Variants in SIRPG observed in about 807,000 individuals in gnomAD.
SIRPG encodes signal regulatory protein gamma.
A neutral mutation model predicts 35.7 loss-of-function variants in SIRPG; 38 were observed. The observed-to-expected ratio is 1.06, with a 90% CI of 0.82 to 1.40. The LOEUF is 1.40. SIRPG is among the 40% of genes most tolerant of loss of function. The pLI, the probability that SIRPG is intolerant of heterozygous loss-of-function variation, is 0.00. For missense variants in SIRPG, 519 were observed against 483.0 expected, an observed-to-expected ratio of 1.07 and a Z score of -0.70; for synonymous variants, 215 against 190.4, an observed-to-expected ratio of 1.13 and a Z score of -1.06.
chr20:1,663,125 A>G, the SIRPG span, among the ~76,000 whole-genome samples: 3,525 of 152,172 alleles, frequency 0.023, 157 homozygotes, highest in African/African-American at 0.08. Context: ...CATCCTGGCT[A>G]CCACAGTGAA....
At chr20:1,639,678 C>T (rs952672130) in intron 2 of SIRPG, among the ~76,000 whole-genome samples, 10 of 152,248 alleles carry the variant, frequency 6.6e-5, no homozygotes, top group South Asian at 2.1e-4. Context: ...TTGGCATTTT[C>T]GTCATGAAGT....
chr20:1,650,443 G>A (rs1273271834), intron 1 of SIRPG, among the ~76,000 whole-genome samples: 2 of 152,112 alleles, frequency 1.3e-5, no homozygotes, highest in Non-Finnish European at 2.9e-5. Context: ...CTTAGAAGTT[G>A]AAAATACAAC....
chr20:1,668,175 CTTTCTTTCTTTCT>C, the SIRPG span, among the ~76,000 whole-genome samples: 451 of 85,710 alleles, frequency 5.3e-3, 1 homozygote, highest in African/African-American at 0.016. Context: ...CTTTTCTTTT[CTTTCTTTCTTTCT>C]TTTTCTTTTC....
chr20:1,664,771 G>A, the SIRPG span, among the ~76,000 whole-genome samples: 2 of 152,168 alleles, frequency 1.3e-5, no homozygotes, highest in Non-Finnish European at 2.9e-5. Context: ...GTGGTGGTTG[G>A]ACAGGCAGCT....
At chr20:1,659,431 A>G (rs985236382), upstream of SIRPG, among the ~76,000 whole-genome samples, 1 of 152,262 alleles carries the variant, frequency 6.6e-6, no homozygotes, top group East Asian at 1.9e-4. Flanking sequence ...TGAAAAGAAT[A>G]TATGAATCAA....
the SIRPG span, among the ~76,000 whole-genome samples, chr20:1,671,762 AG>A: frequency 6.6e-6 from 1 of 152,352 alleles, no homozygotes; most frequent in African/African-American, 2.4e-5. Context: ...GCCGAAGTAA[AG>A]GGATGGGTCT....
chr20:1,657,828 A>G (rs1179121872), upstream of SIRPG: 6 of 953,222 alleles, frequency 6.3e-6, no homozygotes, highest in East Asian at 7.6e-5. Context: ...GGAAGTGGCT[A>G]TGATGGAATG....
At chr20:1,656,756 G>A (rs1431417923) in intron 1 of SIRPG, among the ~76,000 whole-genome samples, 1 of 152,206 alleles carries the variant, frequency 6.6e-6, no homozygotes, top group Non-Finnish European at 1.5e-5. Flanking sequence ...GGAGATGGTG[G>A]TGCCTGTTAT....
rs543625771 is a variant in SIRPG, at chr20:1,640,488, T to C, written c.431-3983A>G. 2.2e-4 allele frequency among the ~76,000 whole-genome samples: 34 copies of C among 152,314 alleles called. No individual in the cohort carries two copies. In the South Asian group the frequency reaches 6.6e-3, roughly 30 times the overall value. On this transcript the variant is annotated intron_variant, in intron 2 of 5. Coordinates refer to ENST00000303415, the MANE Select transcript of SIRPG (RefSeq NM_018556.4). ...CCTGAGACTTTGCTGAAGTTTCTTATCAGCTTAAGGAGTTTTTGAGCTGAG... is the reference window on the plus strand; with the variant it reads ...CCTGAGACTTTGCTGAAGTTTCTTACCAGCTTAAGGAGTTTTTGAGCTGAG...
Position 1,649,292 on chromosome 20 carries a change from C to G in SIRPG, c.190G>C (p.Val64Leu), listed in dbSNP as rs62641738. Reference protein sequence around the residue: ...TVTSLLPVGPVLWFRGVGPGR... With the variant: ...TVTSLLPVGPLLWFRGVGPGR... Reference sequence around the variant, plus strand: ...GGTCCAACTCCTCTGAACCACAGGACGGGTCCCACGGGAAGCAGGGAGGTC... The same window carrying G: ...GGTCCAACTCCTCTGAACCACAGGAGGGGTCCCACGGGAAGCAGGGAGGTC... Residue 64 changes from valine to leucine, a missense_variant, in exon 2 of 6, where the codon GTC becomes CTC. By Grantham distance (32) the Val-to-Leu change is conservative. Coordinates refer to ENST00000303415, the MANE Select transcript of SIRPG (RefSeq NM_018556.4). The G allele has an allele frequency of 1.9e-6, 3 of 1,613,958 alleles. No individual in the cohort carries two copies. The highest frequency in any genetic ancestry group is 1.7e-6 in the Non-Finnish European group (2 of 1,180,034).
chr20:1,636,487 A>G lies in SIRPG; in HGVS notation c.449T>C (p.Val150Ala). ...GGTCCTCGCCGCAGGGCCCAATACC[A>G]CGGGGGCAGAGGGTTTGGCTACAAA... ...MALGAKPSAP[V>A]VLGPAARTTP... Residue 150 changes from valine to alanine, a missense_variant, in exon 3 of 6, where the codon GTG becomes GCG. By Grantham distance (64) the Val-to-Ala change is moderately conservative. Coordinates refer to ENST00000303415, the MANE Select transcript of SIRPG (RefSeq NM_018556.4). 1.2e-6 allele frequency: 2 copies of G among 1,614,174 alleles called. No individual in the cohort carries two copies. Among genetic ancestry groups the G allele is most frequent in the Non-Finnish European group, 1.7e-6 (2 of 1,179,986 alleles).
chr20:1,643,623 ATTGCGATCAT>A (rs2091873908), intron 2 of SIRPG, among the ~76,000 whole-genome samples: 2 of 152,092 alleles, frequency 1.3e-5, no homozygotes, highest in African/African-American at 4.8e-5. Flanking sequence ...CTGGAGACTC[ATTGCGATCAT>A]TTGGAGGAGA....
In SIRPG at chr20:1,635,373, C is replaced by A; in HGVS notation, c.975G>T (p.Val325=). 6.2e-7 allele frequency: 1 copy of A among 1,614,076 alleles called. No homozygotes were observed. The highest frequency in any genetic ancestry group is 8.5e-7 in the Non-Finnish European group (1 of 1,180,016). The change falls in exon 4 of 6, where the codon GTG becomes GTT. Residue 325 remains valine (V), a synonymous_variant. Transcript: ENST00000303415. ...CATGCTTCACCTGGCAGGTGAGGAC[C>A]ACATCATCCCTTTGGTCAGATATGT... is the stretch of plus-strand genomic sequence containing the variant. ...LVNISDQRDD[V]VLTCQVKHDG... is the part of the protein sequence containing the mutation.
At chr20:1,634,209 G>GT (rs11284426) in intron 4 of SIRPG, among the ~76,000 whole-genome samples, 2,770 of 128,654 alleles carry the variant, frequency 0.022, 35 homozygotes, top group Non-Finnish European at 0.025. Context: ...GCCTGGTACA[G>GT]TTTTTTTTTT....
intron 2 of SIRPG, among the ~76,000 whole-genome samples, chr20:1,641,331 G>C (rs189581288): frequency 1.7e-3 from 266 of 152,254 alleles, no homozygotes; most frequent in African/African-American, 5.9e-3. Context: ...TTTTGGTTTA[G>C]TCTTGGGAGG....
chr20:1,674,904 T>C, the SIRPG span, among the ~76,000 whole-genome samples: 1 of 152,228 alleles, frequency 6.6e-6, no homozygotes, highest in Non-Finnish European at 1.5e-5. Context: ...ATGAAGGCAC[T>C]GCCTCCTTGT....
the SIRPG span, among the ~76,000 whole-genome samples, chr20:1,681,052 G>A: frequency 6.6e-6 from 1 of 152,200 alleles, no homozygotes; most frequent in South Asian, 2.1e-4. Flanking sequence ...GAATTGCTCA[G>A]TGGGATACTT....
chr20:1,645,005 G>A (rs1043708467), intron 2 of SIRPG, among the ~76,000 whole-genome samples: 30 of 152,300 alleles, frequency 2.0e-4, no homozygotes, highest in African/African-American at 6.5e-4. Flanking sequence ...CCTGTCCTGC[G>A]TGACATCTTG....
intron 4 of SIRPG, among the ~76,000 whole-genome samples, chr20:1,634,867 C>T (rs929230416): frequency 1.3e-5 from 2 of 151,766 alleles, no homozygotes; most frequent in East Asian, 2.0e-4. Context: ...CACGGTGAAA[C>T]CCCATCTCTA....
Sources: allele counts gnomAD v4.1 joint callset (sites outside exome capture counted in the v4.1 genomes callset), GRCh38; gene constraint gnomAD v4.1.1; transcripts MANE v1.5; gene names NCBI Gene and HGNC (gene_info 2026-07-23, HGNC 2026-07-21).